SPTAN1: variants seen among roughly 807,000 people sequenced by gnomAD.
SPTAN1 encodes spectrin alpha chain, non-erythrocytic 1.
In SPTAN1, 61 loss-of-function variants were observed where a neutral mutation model predicts 331.3. The ratio of observed to expected loss-of-function variants is 0.18; its 90% CI spans 0.15 to 0.23. The LOEUF (loss-of-function observed/expected upper bound fraction) is 0.23. Ranked by LOEUF, SPTAN1 falls within the 10% of genes least tolerant of loss-of-function variation. The pLI is 1.00. For missense variants in SPTAN1, 2,043 were observed against 3,147.9 expected (o/e 0.65, Z 8.40); for synonymous variants, 1,153 against 1,173.9 (o/e 0.98, Z 0.36).
intron 51 of SPTAN1, chr9:128,628,155 G>C (rs748437388): frequency 1.3e-6 from 1 of 743,732 alleles, no homozygotes; most frequent in African/African-American, 1.7e-5. Context: ...TCAAGCCAGG[G>C]GGAGCCGTCC....
In SPTAN1 at chr9:128,627,297, G is replaced by A; in HGVS notation, c.6577-89G>A. 1 of 1,205,950 alleles carries A rather than the reference G, an allele frequency of 8.3e-7. No individual in the cohort carries two copies. The highest frequency in any genetic ancestry group is 1.2e-6 in the Non-Finnish European group (1 of 841,850). 74.7% of individuals were successfully genotyped at this position (1,205,950 alleles called of 1,614,324 possible). On this transcript the variant is annotated intron_variant, in intron 49 of 56. Coordinates refer to ENST00000372739, the MANE Select transcript of SPTAN1 (RefSeq NM_001130438.3). The surrounding 1 kb of genome is among the most constrained non-coding windows in gnomAD (Gnocchi z 4.9). ...TCTTTGGGGAGGTTCCTTGTGGGGAGGCCACCACCACCCTGAGCCCATCTG... is the reference window on the plus strand; with the variant it reads ...TCTTTGGGGAGGTTCCTTGTGGGGAAGCCACCACCACCCTGAGCCCATCTG...
Position 128,593,014 on chromosome 9 carries a change from T to A in SPTAN1, c.3187T>A (p.Ser1063Thr), listed in dbSNP as rs759054756. Residue 1063 changes from serine to threonine, a missense_variant, in exon 23 of 57, where the codon TCT becomes ACT. Physicochemically the swap from Ser to Thr is moderately conservative, Grantham distance 58. Transcript: ENST00000372739. ...CATAACTAAGGAGGCCGGCAGTGTA[T>A]CTCTGCGTATGAAGCAGGTGGAAGA... ...TRITKEAGSV[S>T]LRMKQVEELY... 6.2e-7 allele frequency: 1 copy of A among 1,610,530 alleles called. No homozygotes were observed. The highest frequency in any genetic ancestry group is 8.5e-7 in the Non-Finnish European group (1 of 1,178,300).
At chr9:128,633,001 A>G (rs1371604198) in intron 56 of SPTAN1, 46 bp downstream of exon 56, 6 of 1,605,908 alleles carry the variant, frequency 3.7e-6, no homozygotes, top group Non-Finnish European at 4.2e-6. Flanking sequence ...TTGGAAAACT[A>G]AAGCCAAATT....
At chr9:128,569,794 T>C (rs1850441969) in intron 3 of SPTAN1, among the ~76,000 whole-genome samples, 2 of 152,042 alleles carry the variant, frequency 1.3e-5, no homozygotes, top group South Asian at 4.2e-4. Context: ...TGTGTGGAGG[T>C]TTCGTTCACT....
intron 30 of SPTAN1, 26 bp from the exon 31 acceptor site, chr9:128,605,270 G>A: frequency 1.2e-6 from 2 of 1,614,134 alleles, no homozygotes; most frequent in Non-Finnish European, 1.7e-6. Context: ...CTTACTGCAA[G>A]CTCATTCACC....
In SPTAN1 at chr9:128,576,968, G is replaced by C. The variant is rs774982401; in HGVS notation, c.785+12G>C. The stretch of plus-strand genomic sequence containing the variant: ...CAGCGCTTTAACAGGTGTCAAGCCA[G>C]AGTGGGCTTTGGGGAATGGGTCTCA... On this transcript the variant is annotated intron_variant, in intron 6 of 56. Coordinates refer to ENST00000372739, the MANE Select transcript of SPTAN1 (RefSeq NM_001130438.3). 6.2e-6 allele frequency: 10 copies of C among 1,613,988 alleles called. No individual in the cohort carries two copies. The highest frequency in any genetic ancestry group is 8.5e-6 in the Non-Finnish European group (10 of 1,180,054).
chr9:128,569,413 C>T (rs1003433247), intron 3 of SPTAN1, among the ~76,000 whole-genome samples: 1 of 151,872 alleles, frequency 6.6e-6, no homozygotes, highest in East Asian at 1.9e-4. Flanking sequence ...ATGGGACTGA[C>T]TTTGAGGCAG....
At chr9:128,628,154 G>A in intron 51 of SPTAN1, 1 of 745,482 alleles carries the variant, frequency 1.3e-6, no homozygotes. Flanking sequence ...TTCAAGCCAG[G>A]GGGAGCCGTC....
chr9:128,578,340 A>C, intron 9 of SPTAN1, 95 bp downstream of exon 9: 1 of 1,523,492 alleles, frequency 6.6e-7, no homozygotes, highest in Non-Finnish European at 9.0e-7. Flanking sequence ...CGGCGTTGGT[A>C]CCATGTTATT....
In SPTAN1 at chr9:128,575,357, A is replaced by G; in HGVS notation, c.651+12A>G. 2 of 1,609,210 alleles carry G rather than the reference A, an allele frequency of 1.2e-6. No individual in the cohort carries two copies. Among genetic ancestry groups the G allele is most frequent in the Non-Finnish European group, 1.7e-6 (2 of 1,179,900 alleles). ...CCAAACTCATACAGGTAAATAGCAA[A>G]GTGCTGTATGCTTCTCACAACATTA... On this transcript the variant is annotated intron_variant, in intron 5 of 56. Coordinates refer to ENST00000372739, the MANE Select transcript of SPTAN1 (RefSeq NM_001130438.3).
chr9:128,559,279 C>T (rs890742055), intron 1 of SPTAN1, among the ~76,000 whole-genome samples: 1 of 152,204 alleles, frequency 6.6e-6, no homozygotes, highest in Non-Finnish European at 1.5e-5. Context: ...TCAGCAGGGC[C>T]TTGCTGAACT....
chr9:128,618,911 G>A lies in SPTAN1; in HGVS notation c.5641G>A (p.Val1881Ile). The A allele has an allele frequency of 6.2e-7, 1 of 1,614,178 alleles. No homozygotes were observed. Among genetic ancestry groups the A allele is most frequent in the South Asian group, 1.1e-5 (1 of 91,078 alleles). The change falls in exon 44 of 57, where the codon GTA becomes ATA. Residue 1881 changes from valine (V) to isoleucine (I), a missense_variant. Physicochemically the swap from Val to Ile is conservative, Grantham distance 29. Transcript: ENST00000372739. ...AGAGTCCTTGGAATATCAGCAGTTT[G>A]TAGCCAATGTGGAAGAGGAAGAAGC... ...LEESLEYQQF[V>I]ANVEEEEAWI... is the part of the protein sequence containing the mutation.
chr9:128,555,280 T>C, intron 1 of SPTAN1: 2 of 1,099,016 alleles, frequency 1.8e-6, no homozygotes, highest in Non-Finnish European at 1.2e-6. Flanking sequence ...AAATAATCTG[T>C]TTTCTTCATG....
rs1318303903 is a variant in SPTAN1, at chr9:128,570,322, ATATATATATTTTTTTTT to A, written c.363+1427_363+1443del. Among the ~76,000 whole-genome samples the A allele has an allele frequency of 1.3e-3, 43 of 33,604 alleles. No individual in the cohort carries two copies. The East Asian group carries it at 0.034, about 27-fold the overall frequency. The allele number at this position is 33,604 out of a possible 152,430, so 22.0% of individuals were successfully genotyped here. ...AGACAGCTTATATATATATATATAT[ATATATATATTTTTTTTT>A]TTTTTTTTTTTTTTTGAGACGAAGT... On this transcript the variant is annotated intron_variant, in intron 3 of 56. Coordinates refer to ENST00000372739, the MANE Select transcript of SPTAN1 (RefSeq NM_001130438.3).
rs1242804149 is a variant in SPTAN1, at chr9:128,577,672, G to C, written c.1085+166G>C. ...TCTCTCTGTTTGGAGACTGGCAACT[G>C]TATCATGTGTAGTATACGTATGGTA... is the stretch of plus-strand genomic sequence containing the variant. On this transcript the variant is annotated intron_variant, in intron 8 of 56. Coordinates refer to ENST00000372739, the MANE Select transcript of SPTAN1 (RefSeq NM_001130438.3). The surrounding 1 kb of genome is among the most constrained non-coding windows in gnomAD (Gnocchi z 4.2). Among the ~76,000 whole-genome samples the C allele has an allele frequency of 1.3e-5, 2 of 152,190 alleles. No individual in the cohort carries two copies. Among genetic ancestry groups the C allele is most frequent in the Non-Finnish European group, 2.9e-5 (2 of 68,042 alleles).
intron 2 of SPTAN1, 118 bp downstream of exon 2, chr9:128,567,095 A>C: frequency 7.0e-7 from 1 of 1,419,076 alleles, no homozygotes; most frequent in African/African-American, 1.4e-5. Flanking sequence ...AGAAGAATAT[A>C]ATAAGGAAGG....
At chr9:128,602,685 G>T (rs1197753259) in intron 27 of SPTAN1, among the ~76,000 whole-genome samples, 1 of 151,696 alleles carries the variant, frequency 6.6e-6, no homozygotes, top group African/African-American at 2.4e-5. Flanking sequence ...GCCCAGGCTG[G>T]AGTGCAGTGG....
intron 10 of SPTAN1, among the ~76,000 whole-genome samples, chr9:128,580,262 C>CA (rs1851774841): frequency 6.6e-6 from 1 of 150,794 alleles, no homozygotes; most frequent in Admixed American, 6.6e-5. Context: ...GCTTGAGTGA[C>CA]AGAGTGAGAC....
Position 128,625,670 on chromosome 9 carries a change from T to G in SPTAN1, c.6070-99T>G. The G allele has an allele frequency of 8.8e-7, 1 of 1,135,808 alleles. No individual in the cohort carries two copies. Among genetic ancestry groups the G allele is most frequent in the Non-Finnish European group, 1.3e-6 (1 of 757,014 alleles). 70.4% of individuals were successfully genotyped at this position (1,135,808 alleles called of 1,614,324 possible). A position where few individuals can be genotyped will look rare whatever the true frequency, so the allele number is the denominator to read the frequency against. Reference sequence around the variant, plus strand: ...GCAGTGTCCAGGTGGACAGTTTGGCTTGGGCATCTGGGGGACATGCTGGTG... The same window carrying G: ...GCAGTGTCCAGGTGGACAGTTTGGCGTGGGCATCTGGGGGACATGCTGGTG... On this transcript the variant is annotated intron_variant, in intron 47 of 56. Transcript: ENST00000372739. The surrounding 1 kb of genome is among the most constrained non-coding windows in gnomAD (Gnocchi z 4.1).
Sources: allele counts gnomAD v4.1 joint callset (sites outside exome capture counted in the v4.1 genomes callset), GRCh38; gene constraint gnomAD v4.1.1; non-coding constraint Gnocchi (gnomAD v3.1); transcripts MANE v1.5; gene names NCBI Gene and HGNC (gene_info 2026-07-23, HGNC 2026-07-21).